The following CLASP2 variants were observed in gnomAD, a reference collection of about 807,000 sequenced individuals.
The protein encoded by CLASP2 is cytoplasmic linker associated protein 2.
CLASP2 carries 47 observed loss-of-function variants against 194.4 expected under a neutral mutation model. The observed-to-expected ratio is 0.24, with a 90% CI of 0.19 to 0.31. The LOEUF is 0.31. Ranked by LOEUF, CLASP2 falls within the 10% of genes least tolerant of loss-of-function variation. The probability of loss-of-function intolerance (pLI) is 1.00; values close to 1 mark genes in which losing one functional copy is unlikely to be tolerated. For synonymous variants in CLASP2, 619 were observed against 633.5 expected (o/e 0.98, Z 0.34); for missense variants, 1,445 against 1,823.6 (o/e 0.79, Z 3.78).
chr3:33,689,670 C>A, intron 3 of CLASP2, 159 bp downstream of exon 3: 2 of 466,092 alleles, frequency 4.3e-6, no homozygotes, highest in Non-Finnish European at 7.4e-6. Flanking sequence ...AAGCAAAAAA[C>A]CAGAAAGTCA....
chr3:33,559,427 G>C, intron 28 of CLASP2, 42 bp from the exon 29 acceptor site: 1 of 1,162,262 alleles, frequency 8.6e-7, no homozygotes, highest in Non-Finnish European at 1.3e-6. Flanking sequence ...AATTTAGTTA[G>C]CAAGTACGCA....
chr3:33,618,321 T>A (rs2076551617), intron 12 of CLASP2, among the ~76,000 whole-genome samples: 2 of 152,080 alleles, frequency 1.3e-5, no homozygotes, highest in African/African-American at 2.4e-5. Flanking sequence ...CACATATGGA[T>A]AAGGGATGTT....
chr3:33,630,232 T>C (rs891987807), intron 9 of CLASP2, among the ~76,000 whole-genome samples: 8 of 152,192 alleles, frequency 5.3e-5, no homozygotes, highest in African/African-American at 1.7e-4. Flanking sequence ...TGTACTGTCA[T>C]AGCCTCACAA....
intron 30 of CLASP2, among the ~76,000 whole-genome samples, chr3:33,549,523 T>C (rs1430119531): frequency 6.6e-6 from 1 of 152,060 alleles, no homozygotes; most frequent in Non-Finnish European, 1.5e-5. Flanking sequence ...TGTTTGTGGG[T>C]TTTCTAAATA....
intron 7 of CLASP2, among the ~76,000 whole-genome samples, chr3:33,660,180 G>A (rs1477735399): frequency 6.6e-6 from 1 of 152,152 alleles, no homozygotes; most frequent in Non-Finnish European, 1.5e-5. Flanking sequence ...TTACATCCTT[G>A]GTTTGTGCAG....
intron 27 of CLASP2, 30 bp from the exon 28 acceptor site, chr3:33,561,001 GA>G: frequency 1.3e-6 from 2 of 1,580,054 alleles, no homozygotes; most frequent in Admixed American, 1.8e-5. Flanking sequence ...GAGGTAGGGA[GA>G]AAAAAAGAGG....
At chr3:33,676,572 A>T (rs2088688660) in intron 6 of CLASP2, among the ~76,000 whole-genome samples, 1 of 151,742 alleles carries the variant, frequency 6.6e-6, no homozygotes, top group Non-Finnish European at 1.5e-5. Context: ...TTAAAGACTT[A>T]AACGTTAGAC....
intron 6 of CLASP2, among the ~76,000 whole-genome samples, chr3:33,680,578 G>A (rs1191041283): frequency 6.6e-6 from 1 of 152,192 alleles, no homozygotes; most frequent in Middle Eastern, 3.2e-3. Flanking sequence ...GGAGGCTGAG[G>A]CAGGAGAACT....
chr3:33,590,005 G>A (rs2068345628), intron 21 of CLASP2, among the ~76,000 whole-genome samples: 1 of 151,860 alleles, frequency 6.6e-6, no homozygotes, highest in African/African-American at 2.4e-5. Context: ...GAATAACAAG[G>A]TACAGAAGTA....
rs748072055 is a variant in CLASP2 at position 33,584,799 on chromosome 3, T to C, written c.2190A>G (p.Pro730=). Residue 730 remains proline, a synonymous_variant, in exon 22 of 39, where the codon CCA becomes CCG. Transcript: ENST00000682230. ...CCTCTCTGCTACAGCCCTGGCTCCG[T>C]GGTATCTTGCTTCTTTTTTGTGCTG... ...SASAQKRSKI[P]RSQGCSREAS... The C allele has an allele frequency of 5.6e-6, 9 of 1,609,824 alleles. No homozygotes were observed. Among genetic ancestry groups the C allele is most frequent in the Non-Finnish European group, 6.8e-6 (8 of 1,178,182 alleles).
chr3:33,713,827 T>C (rs1202095670), intron 1 of CLASP2, among the ~76,000 whole-genome samples: 2 of 152,114 alleles, frequency 1.3e-5, no homozygotes, highest in Admixed American at 6.6e-5. Flanking sequence ...TCAGGCTGTG[T>C]TTTCTCCATT....
chr3:33,539,624 T>C (rs1018905867), intron 32 of CLASP2, among the ~76,000 whole-genome samples: 3 of 152,106 alleles, frequency 2.0e-5, no homozygotes, highest in African/African-American at 7.2e-5. Context: ...CGTGAGCCAC[T>C]GCGCCCAGCC....
At chr3:33,628,441 G>T (rs1176010916) in intron 9 of CLASP2, among the ~76,000 whole-genome samples, 1 of 152,088 alleles carries the variant, frequency 6.6e-6, no homozygotes, top group East Asian at 1.9e-4. Flanking sequence ...CTTCAGTGAG[G>T]GGGTACATAA....
intron 32 of CLASP2, among the ~76,000 whole-genome samples, chr3:33,540,452 G>A (rs2058164060): frequency 6.6e-6 from 1 of 151,884 alleles, no homozygotes; most frequent in Non-Finnish European, 1.5e-5. Context: ...ATGTTGCCCA[G>A]GTTTGTCCCA....
intron 32 of CLASP2, among the ~76,000 whole-genome samples, chr3:33,539,384 G>C (rs550911218): frequency 2.5e-4 from 38 of 152,154 alleles, no homozygotes; most frequent in African/African-American, 8.7e-4. Context: ...CCCCAGGCTG[G>C]AATGTGATGG....
Position 33,573,277 on chromosome 3 carries a change from A to C in CLASP2, c.2532T>G (p.Ala844=). The C allele has an allele frequency of 6.2e-7, 1 of 1,613,944 alleles. No individual in the cohort carries two copies. Among genetic ancestry groups the C allele is most frequent in the Non-Finnish European group, 8.5e-7 (1 of 1,179,844 alleles). The stretch of plus-strand genomic sequence containing the variant: ...GAGAACTATAGGAGCGTTCTGAACA[A>C]GCACTAGATGCATCGCTGTTGGCGT... ...DDDANSDASS[A]CSERSYSSRN... Residue 844 remains alanine (A), a synonymous_variant, in exon 25 of 39, where the codon GCT becomes GCG. Transcript: ENST00000682230.
intron 23 of CLASP2, 23 bp downstream of exon 23, chr3:33,581,798 A>AT (rs2066209136): frequency 1.3e-6 from 2 of 1,559,990 alleles, no homozygotes; most frequent in East Asian, 2.2e-5. Flanking sequence ...AGCAATGCAC[A>AT]TAACACCTGC....
rs1320437625 is a variant in CLASP2, at chr3:33,553,571, C to T, written c.3010-2176G>A. Among the ~76,000 whole-genome samples the T allele has an allele frequency of 4.6e-5, 7 of 152,250 alleles. No homozygotes were observed. The East Asian group carries it at 1.2e-3, about 25-fold the overall frequency. ...TGAATAGACATTTGTCAAAGAAAGA[C>T]ATACAAATGGCCAACAGGTATATGG... On this transcript the variant is annotated intron_variant, in intron 29 of 38. Transcript: ENST00000682230.
rs1236069175 is a variant in CLASP2 at position 33,615,563 on chromosome 3, A to T, written c.1318-3492T>A. Among the ~76,000 whole-genome samples the T allele has an allele frequency of 6.2e-4, 34 of 55,094 alleles. No homozygotes were observed. In the South Asian group the frequency reaches 0.013, roughly 21 times the overall value. 36.1% of individuals were successfully genotyped at this position (55,094 alleles called of 152,430 possible). ...GAATTTACCAGATAAAGCAGATTTA[A>T]AAAAAAAAAGAGACCATAAAGAACT... On this transcript the variant is annotated intron_variant, in intron 12 of 38. Transcript: ENST00000682230.
Sources: allele counts gnomAD v4.1 joint callset (sites outside exome capture counted in the v4.1 genomes callset), GRCh38; gene constraint gnomAD v4.1.1; transcripts MANE v1.5; gene names NCBI Gene and HGNC (gene_info 2026-07-23, HGNC 2026-07-21).